CHD9: variants seen among roughly 807,000 people sequenced by gnomAD.
CHD9 encodes the protein chromodomain helicase DNA binding protein 9.
Under a neutral mutation model 316.1 loss-of-function variants are expected in CHD9, and 77 were observed. That is an observed-to-expected ratio of 0.24 (90% CI 0.20 to 0.29). The LOEUF (loss-of-function observed/expected upper bound fraction) is 0.29, where lower values mean the gene tolerates loss of function less well. CHD9 is among the 10% of genes least tolerant of loss of function. The pLI is 1.00. For synonymous variants in CHD9, 1,129 were observed against 1,158.3 expected (o/e 0.97, Z 0.51); for missense variants, 2,763 against 3,438.1 (o/e 0.80, Z 4.91).
chr16:53,307,711 AT>A lies in CHD9; in HGVS notation c.6814del (p.Cys2272ValfsTer5). ...DRVMINRLDS[I>X]CQTVLKGKWP... ...TGTGATGATCAATAGGTTGGACAGTATTTGTCAAACAGTTCTGAAAGGAAAG... is the reference window on the plus strand; with the variant it reads ...TGTGATGATCAATAGGTTGGACAGTATTGTCAAACAGTTCTGAAAGGAAAG... On this transcript the variant is annotated frameshift_variant, in exon 33 of 39. Transcript: ENST00000447540. LOFTEE classifies it high-confidence loss of function. The A allele has an allele frequency of 6.2e-7, 1 of 1,611,208 alleles. No individual in the cohort carries two copies. Among genetic ancestry groups the A allele is most frequent in the East Asian group, 2.2e-5 (1 of 44,834 alleles).
chr16:53,177,786 T>C (rs183994859), intron 2 of CHD9, among the ~76,000 whole-genome samples: 109 of 152,342 alleles, frequency 7.2e-4, no homozygotes, highest in African/African-American at 2.5e-3. Context: ...TCATCCTTGA[T>C]AAATGGAAGC....
chr16:53,101,821 G>T (rs913049065), intron 1 of CHD9, among the ~76,000 whole-genome samples: 2 of 152,174 alleles, frequency 1.3e-5, no homozygotes, highest in Non-Finnish European at 2.9e-5. Context: ...CCCAACCCTT[G>T]TTCTTGTTTA....
intron 22 of CHD9, among the ~76,000 whole-genome samples, chr16:53,272,847 C>T (rs2052401484): frequency 2.6e-5 from 4 of 152,108 alleles, no homozygotes. Context: ...ATAGGGACTT[C>T]AACTATGTAT....
intron 2 of CHD9, among the ~76,000 whole-genome samples, chr16:53,187,568 C>T (rs1339722919): frequency 6.6e-6 from 1 of 151,964 alleles, no homozygotes; most frequent in Non-Finnish European, 1.5e-5. Context: ...GGGGAACCTG[C>T]ATTTGTGAGG....
chr16:53,120,180 T>A (rs2152650441), intron 1 of CHD9, among the ~76,000 whole-genome samples: 1 of 152,212 alleles, frequency 6.6e-6, no homozygotes, highest in South Asian at 2.1e-4. Context: ...TGCAACAAAC[T>A]ATGATTGCAC....
intron 1 of CHD9, among the ~76,000 whole-genome samples, chr16:53,109,973 T>C (rs990844079): frequency 6.6e-6 from 1 of 151,738 alleles, no homozygotes; most frequent in Non-Finnish European, 1.5e-5. Context: ...CGTGAGCCAC[T>C]GCGCCCGGCC....
At chr16:53,296,380 T>C (rs2054789090) in intron 29 of CHD9, among the ~76,000 whole-genome samples, 1 of 151,910 alleles carries the variant, frequency 6.6e-6, no homozygotes, top group Non-Finnish European at 1.5e-5. Context: ...AAAGTATGTT[T>C]GGGGACACAT....
At chr16:53,143,391 TTTATTTATTTA>T (rs2040294700) in intron 1 of CHD9, among the ~76,000 whole-genome samples, 1 of 148,810 alleles carries the variant, frequency 6.7e-6, no homozygotes, top group Non-Finnish European at 1.5e-5. Context: ...TATTTATTTA[TTTATTTATTTA>T]TCTGAGGCAG....
intron 1 of CHD9, among the ~76,000 whole-genome samples, chr16:53,106,757 T>C (rs750428881): frequency 4.6e-5 from 7 of 152,056 alleles, no homozygotes; most frequent in Non-Finnish European, 1.0e-4. Flanking sequence ...CTACATCTAT[T>C]CTAGATTTTA....
intron 13 of CHD9, among the ~76,000 whole-genome samples, chr16:53,243,981 G>C (rs952880226): frequency 1.3e-5 from 2 of 151,976 alleles, no homozygotes; most frequent in African/African-American, 4.8e-5. Flanking sequence ...ATTCCAGTAT[G>C]GTTTCCTGTT....
intron 11 of CHD9, 93 bp downstream of exon 11, chr16:53,235,399 T>C (rs2048536013): frequency 1.0e-6 from 1 of 964,310 alleles, no homozygotes; most frequent in Non-Finnish European, 1.5e-6. Context: ...TATATTGTTA[T>C]TGTTTTGAAG....
At chr16:53,320,132 C>G (rs1340000007) in intron 37 of CHD9, among the ~76,000 whole-genome samples, 1 of 147,336 alleles carries the variant, frequency 6.8e-6, no homozygotes, top group Non-Finnish European at 1.5e-5. Context: ...ACTATGATCA[C>G]ATCACTGCAT....
chr16:53,253,445 A>T (rs1004971235), intron 17 of CHD9, among the ~76,000 whole-genome samples: 1 of 152,108 alleles, frequency 6.6e-6, no homozygotes, highest in Non-Finnish European at 1.5e-5. Context: ...ACTTGGGGAG[A>T]AGAGTGGGAG....
At chr16:53,074,366 C>T (rs2034346754) in intron 1 of CHD9, among the ~76,000 whole-genome samples, 2 of 152,184 alleles carry the variant, frequency 1.3e-5, no homozygotes, top group South Asian at 4.1e-4. Flanking sequence ...AAGCAAATCC[C>T]ATTTTCTGAG....
At chr16:53,299,254 AT>A (rs1252456551) in intron 30 of CHD9, 1 of 155,194 alleles carries the variant, frequency 6.4e-6, no homozygotes, top group Non-Finnish European at 1.4e-5. Flanking sequence ...TCAGGATTTG[AT>A]TGATTATAAA....
intron 1 of CHD9, among the ~76,000 whole-genome samples, chr16:53,142,279 C>T (rs902386329): frequency 6.6e-6 from 1 of 151,856 alleles, no homozygotes; most frequent in African/African-American, 2.4e-5. Context: ...TATATTTTTT[C>T]TTCTTTGAGA....
chr16:53,283,208 A>C (rs2053571712), intron 24 of CHD9, among the ~76,000 whole-genome samples: 1 of 152,140 alleles, frequency 6.6e-6, no homozygotes, highest in African/African-American at 2.4e-5. Context: ...CTGCCACAGC[A>C]CTCATCACAC....
chr16:53,237,923 G>A (rs2048767901), intron 11 of CHD9, among the ~76,000 whole-genome samples: 1 of 151,860 alleles, frequency 6.6e-6, no homozygotes, highest in Non-Finnish European at 1.5e-5. Context: ...ATAGCACATT[G>A]CATGACTATT....
intron 2 of CHD9, among the ~76,000 whole-genome samples, chr16:53,161,543 A>G (rs1358604234): frequency 1.3e-5 from 2 of 152,204 alleles, no homozygotes; most frequent in Admixed American, 1.3e-4. Context: ...ACATCACTAC[A>G]TGTGTATAAA....
Sources: allele counts gnomAD v4.1 joint callset (sites outside exome capture counted in the v4.1 genomes callset), GRCh38; gene constraint gnomAD v4.1.1; transcripts MANE v1.5; gene names NCBI Gene and HGNC (gene_info 2026-07-23, HGNC 2026-07-21).